ECHDC1: variants seen among roughly 807,000 people sequenced by gnomAD.
The protein encoded by ECHDC1 is ethylmalonyl-CoA decarboxylase 1, also known as ethylmalonyl-CoA decarboxylase.
In ECHDC1, 29 loss-of-function variants were observed where a neutral mutation model predicts 29.7. That is an observed-to-expected ratio of 0.98 (90% CI 0.73 to 1.33). The LOEUF (loss-of-function observed/expected upper bound fraction) is 1.33, where lower values mean the gene tolerates loss of function less well. Among genes scored for constraint, ECHDC1 ranks in the 40% most tolerant of loss-of-function variants. ECHDC1 has a pLI of 0.00. For synonymous variants in ECHDC1, 126 were observed against 123.1 expected (o/e 1.02, Z -0.15); for missense variants, 328 against 350.0 (o/e 0.94, Z 0.50).
chr6:127,306,752 A>C (rs1781474713), intron 5 of ECHDC1, among the ~76,000 whole-genome samples: 1 of 152,210 alleles, frequency 6.6e-6, no homozygotes, highest in Non-Finnish European at 1.5e-5. Context: ...GGACTAATAC[A>C]GCACTGGACA....
chr6:127,322,072 G>T (rs540380883), intron 3 of ECHDC1, among the ~76,000 whole-genome samples: 23 of 152,078 alleles, frequency 1.5e-4, no homozygotes, highest in African/African-American at 5.6e-4. Context: ...TTGGGAAGCC[G>T]AGGAGGGCAG....
intron 1 of ECHDC1, among the ~76,000 whole-genome samples, chr6:127,334,617 T>A (rs1236780167): frequency 6.6e-6 from 1 of 152,120 alleles, no homozygotes; most frequent in Non-Finnish European, 1.5e-5. Flanking sequence ...GAATCTCTTC[T>A]CGTCTGATAT....
At chr6:127,314,036 T>C (rs555920352) in intron 5 of ECHDC1, among the ~76,000 whole-genome samples, 29 of 152,308 alleles carry the variant, frequency 1.9e-4, no homozygotes, top group African/African-American at 6.5e-4. Flanking sequence ...TAGACGTCAG[T>C]GCTCAGGCTC....
At chr6:127,325,012 C>T (rs917865350) in intron 3 of ECHDC1, among the ~76,000 whole-genome samples, 11 of 152,016 alleles carry the variant, frequency 7.2e-5, no homozygotes, top group African/African-American at 2.7e-4. Flanking sequence ...GAGTGGAGTA[C>T]GGAAAGTAAA....
intron 3 of ECHDC1, among the ~76,000 whole-genome samples, chr6:127,323,796 CTTTCT>C (rs1005888062): frequency 1.4e-4 from 21 of 152,110 alleles, no homozygotes; most frequent in African/African-American, 3.1e-4. Flanking sequence ...CATTTCCTTC[CTTTCT>C]TTTCTTTTCT....
At chr6:127,340,294 A>G (rs1307714821) in intron 1 of ECHDC1, among the ~76,000 whole-genome samples, 1 of 152,208 alleles carries the variant, frequency 6.6e-6, no homozygotes, top group Admixed American at 6.5e-5. Flanking sequence ...CCCAGTAGGT[A>G]TTGAGATAAG....
chr6:127,327,972 T>C (rs1449025624), intron 2 of ECHDC1, among the ~76,000 whole-genome samples: 1 of 152,238 alleles, frequency 6.6e-6, no homozygotes, highest in Non-Finnish European at 1.5e-5. Flanking sequence ...AGGCAATGCT[T>C]TAGAAGCCAA....
intron 1 of ECHDC1, among the ~76,000 whole-genome samples, chr6:127,336,825 ACACTTTCTAAGTTAT>A (rs1193243718): frequency 6.6e-6 from 1 of 152,234 alleles, no homozygotes; most frequent in Non-Finnish European, 1.5e-5. Flanking sequence ...AGGATTTTAG[ACACTTTCTAAGTTAT>A]CACTCAAATG....
At chr6:127,303,045 C>T (rs1258450431) in intron 5 of ECHDC1, among the ~76,000 whole-genome samples, 1 of 151,782 alleles carries the variant, frequency 6.6e-6, no homozygotes, top group Non-Finnish European at 1.5e-5. Flanking sequence ...GTCTTATATA[C>T]CAAAAAAACT....
chr6:127,300,669 A>C (rs1241529611), intron 5 of ECHDC1, among the ~76,000 whole-genome samples: 1 of 152,178 alleles, frequency 6.6e-6, no homozygotes, highest in South Asian at 2.1e-4. Flanking sequence ...CAGGGACTTC[A>C]GTCCTTCAAG....
At chr6:127,330,255 G>C (rs1783802868) in intron 2 of ECHDC1, among the ~76,000 whole-genome samples, 1 of 152,166 alleles carries the variant, frequency 6.6e-6, no homozygotes. Flanking sequence ...TATATGCTAA[G>C]AGTGTTGACT....
chr6:127,311,587 T>C (rs1364121257), intron 5 of ECHDC1, among the ~76,000 whole-genome samples: 1 of 147,394 alleles, frequency 6.8e-6, no homozygotes, highest in African/African-American at 2.5e-5. Context: ...GGCAGGAGAA[T>C]TGCTTGAACC....
chr6:127,310,522 G>A (rs1233547849), intron 5 of ECHDC1, among the ~76,000 whole-genome samples: 3 of 152,172 alleles, frequency 2.0e-5, no homozygotes, highest in African/African-American at 7.2e-5. Flanking sequence ...ATTGGAATTA[G>A]AAGTAGAACC....
chr6:127,316,284 C>T (rs1450449343), intron 4 of ECHDC1, 166 bp downstream of exon 4: 2 of 572,102 alleles, frequency 3.5e-6, no homozygotes, highest in Admixed American at 3.4e-5. Flanking sequence ...ACTTCATTAA[C>T]ATGTAATTAA....
intron 4 of ECHDC1, 116 bp downstream of exon 4, chr6:127,316,334 A>T: frequency 1.2e-6 from 1 of 816,514 alleles, no homozygotes; most frequent in African/African-American, 1.7e-5. Context: ...GTACATCATT[A>T]GAATAGATGT....
chr6:127,289,765 A>C lies in ECHDC1; in HGVS notation c.*104T>G. The C allele has an allele frequency of 8.6e-7, 1 of 1,158,964 alleles. No individual in the cohort carries two copies. The highest frequency in any genetic ancestry group is 2.5e-5 in the East Asian group (1 of 40,374). The allele number at this position is 1,158,964 out of a possible 1,614,324, so 71.8% of individuals were successfully genotyped here. A position where few individuals can be genotyped will look rare whatever the true frequency, so the allele number is the denominator to read the frequency against. On this transcript the variant is annotated 3_prime_UTR_variant, in exon 6 of 6. Coordinates refer to ENST00000454859, the MANE Select transcript of ECHDC1 (RefSeq NM_001002030.2). Reference sequence around the variant, plus strand: ...ATTAAAAGTAAGTCTGCATATTAATAGTAGCCTTCAAAGTAATTCTGATGT... The same window carrying C: ...ATTAAAAGTAAGTCTGCATATTAATCGTAGCCTTCAAAGTAATTCTGATGT...
At chr6:127,297,748 C>CAT (rs1780727910) in intron 5 of ECHDC1, among the ~76,000 whole-genome samples, 1 of 152,064 alleles carries the variant, frequency 6.6e-6, no homozygotes, top group Non-Finnish European at 1.5e-5. Flanking sequence ...CAAGACATAC[C>CAT]CACAGCTGCA....
intron 5 of ECHDC1, among the ~76,000 whole-genome samples, chr6:127,298,415 A>G (rs959914597): frequency 1.3e-5 from 2 of 151,984 alleles, no homozygotes; most frequent in African/African-American, 4.8e-5. Context: ...ATTTTTCTCT[A>G]TTTTCCCATG....
chr6:127,318,613 G>A (rs1048696950), intron 3 of ECHDC1, among the ~76,000 whole-genome samples: 4 of 152,170 alleles, frequency 2.6e-5, no homozygotes, highest in African/African-American at 7.2e-5. Context: ...CAATTGGGAT[G>A]GGGGTAGTTA....
Sources: allele counts gnomAD v4.1 joint callset (sites outside exome capture counted in the v4.1 genomes callset), GRCh38; gene constraint gnomAD v4.1.1; transcripts MANE v1.5; gene names NCBI Gene and HGNC (gene_info 2026-07-23, HGNC 2026-07-21).